The following SGCD variants were observed in gnomAD, a reference collection of about 807,000 sequenced individuals.
SGCD encodes delta-sarcoglycan.
Under a neutral mutation model 36.6 loss-of-function variants are expected in SGCD, and 18 were observed. The observed-to-expected ratio is 0.49, with a 90% CI of 0.34 to 0.73. SGCD has a LOEUF of 0.73. SGCD is among the 30% of genes least tolerant of loss of function. The pLI, the probability that SGCD is intolerant of heterozygous loss-of-function variation, is 0.01. For missense variants in SGCD, 387 were observed against 346.7 expected, an observed-to-expected ratio of 1.12 and a Z score of -0.92; for synonymous variants, 133 against 130.6, an observed-to-expected ratio of 1.02 and a Z score of -0.12.
intron 4 of SGCD, among the ~76,000 whole-genome samples, chr5:156,536,386 C>A (rs1180228801): frequency 6.6e-6 from 1 of 152,132 alleles, no homozygotes; most frequent in African/African-American, 2.4e-5. Flanking sequence ...CAGATTATGC[C>A]AGGGCAGCCC....
intron 1 of SGCD, among the ~76,000 whole-genome samples, chr5:155,929,219 G>C (rs987129688): frequency 6.6e-6 from 1 of 152,052 alleles, no homozygotes; most frequent in Non-Finnish European, 1.5e-5. Context: ...GACATGTTCT[G>C]TGAGTCTGGA....
chr5:156,040,668 A>T (rs1436821911), intron 1 of SGCD, among the ~76,000 whole-genome samples: 1 of 152,204 alleles, frequency 6.6e-6, no homozygotes, highest in Non-Finnish European at 1.5e-5. Flanking sequence ...GGTGTGGTGT[A>T]GTGTGCAGGA....
At chr5:155,752,171 A>C in the SGCD span, among the ~76,000 whole-genome samples, 3 of 152,132 alleles carry the variant, frequency 2.0e-5, no homozygotes, top group East Asian at 1.9e-4. Context: ...TCACTTAACT[A>C]TCTCTCCCCA....
chr5:156,690,711 A>G (rs1754075045), intron 7 of SGCD, among the ~76,000 whole-genome samples: 1 of 152,196 alleles, frequency 6.6e-6, no homozygotes, highest in Non-Finnish European at 1.5e-5. Flanking sequence ...TATACAATAA[A>G]CAGAGTTAGA....
chr5:156,001,770 A>G (rs1053629561), intron 1 of SGCD, among the ~76,000 whole-genome samples: 4 of 152,218 alleles, frequency 2.6e-5, no homozygotes, highest in Admixed American at 1.3e-4. Context: ...GACTGATTTG[A>G]GTTAAAATAG....
At chr5:156,603,577 T>G (rs1761289366) in intron 6 of SGCD, among the ~76,000 whole-genome samples, 1 of 152,108 alleles carries the variant, frequency 6.6e-6, no homozygotes, top group South Asian at 2.1e-4. Flanking sequence ...TTCTTATGAC[T>G]GCTTTTGCAA....
intron 7 of SGCD, chr5:156,704,358 T>C (rs1365547188): frequency 2.0e-5 from 3 of 152,180 alleles, no homozygotes; most frequent in Non-Finnish European, 4.4e-5. Context: ...ATCACATGCT[T>C]ATTCCTAAAT....
Position 156,743,805 on chromosome 5 carries a change from A to T in SGCD, c.576-13776A>T, listed in dbSNP as rs532013316. ...AGATCTCTACAAACTCAGCAGATTC[A>T]TTGGTAAAACTTAAATACCTGTTTC... On this transcript the variant is annotated intron_variant, in intron 7 of 8. Coordinates refer to ENST00000337851, the MANE Select transcript of SGCD (RefSeq NM_000337.6). Among the ~76,000 whole-genome samples, 9 of 152,378 alleles carry T rather than the reference A, an allele frequency of 5.9e-5. No individual in the cohort carries two copies. In the South Asian group the frequency reaches 6.2e-4, roughly 11 times the overall value.
chr5:156,592,991 T>C (rs375953425), intron 5 of SGCD, among the ~76,000 whole-genome samples: 1 of 152,136 alleles, frequency 6.6e-6, no homozygotes, highest in African/African-American at 2.4e-5. Context: ...ACAAGAGTGG[T>C]GATGTCCACA....
At chr5:156,046,178 A>C (rs1422865005) in intron 1 of SGCD, among the ~76,000 whole-genome samples, 1 of 152,082 alleles carries the variant, frequency 6.6e-6, no homozygotes, top group East Asian at 1.9e-4. Flanking sequence ...TCTCACTTTC[A>C]TGAGCTTCAT....
intron 1 of SGCD, among the ~76,000 whole-genome samples, chr5:155,969,693 G>A (rs988750131): frequency 6.6e-5 from 10 of 152,212 alleles, no homozygotes; most frequent in Non-Finnish European, 1.2e-4. Flanking sequence ...CTTTAGAACA[G>A]AGTTAATCAT....
At chr5:156,711,117 A>G (rs1754971812) in intron 7 of SGCD, among the ~76,000 whole-genome samples, 1 of 152,152 alleles carries the variant, frequency 6.6e-6, no homozygotes, top group Admixed American at 6.5e-5. Flanking sequence ...GGAGAAGCAT[A>G]TAATGAGGCA....
intron 1 of SGCD, among the ~76,000 whole-genome samples, chr5:155,996,929 A>G (rs112235699): frequency 0.076 from 11,074 of 146,418 alleles, 712 homozygotes; most frequent in African/African-American, 0.17. Flanking sequence ...AGGCAGGCAG[A>G]CAGACAGACA....
chr5:156,194,503 C>T (rs1384143012), intron 3 of SGCD, among the ~76,000 whole-genome samples: 1 of 152,026 alleles, frequency 6.6e-6, no homozygotes, highest in Non-Finnish European at 1.5e-5. Context: ...AAATGATATA[C>T]ATTAGGTGGA....
intron 3 of SGCD, among the ~76,000 whole-genome samples, chr5:156,143,386 A>G (rs893229126): frequency 2.6e-5 from 4 of 152,198 alleles, no homozygotes; most frequent in Admixed American, 2.6e-4. Context: ...GTGAGACTGG[A>G]TCCCCCATAG....
intron 3 of SGCD, among the ~76,000 whole-genome samples, chr5:156,153,796 C>T (rs1256749315): frequency 2.0e-5 from 3 of 151,516 alleles, no homozygotes; most frequent in Non-Finnish European, 4.4e-5. Flanking sequence ...CCAGGCCACA[C>T]CCAAAACCAG....
chr5:156,176,746 T>A (rs1436904453), intron 3 of SGCD, among the ~76,000 whole-genome samples: 6 of 152,134 alleles, frequency 3.9e-5, no homozygotes, highest in Non-Finnish European at 1.5e-5. Flanking sequence ...AGCTGAAAAA[T>A]TGTTGGTAAA....
In SGCD at chr5:155,972,611, T is replaced by C. The variant is rs572268862; in HGVS notation, c.-282+102187T>C. The stretch of plus-strand genomic sequence containing the variant: ...GTTAACTATTTCCATAGGGAAAAAC[T>C]TCTGAAGTGGTTTTGATCAATTAGA... On this transcript the variant is annotated intron_variant, in intron 1 of 9. Coordinates refer to the SGCD transcript ENST00000517913. 3.1e-4 allele frequency among the ~76,000 whole-genome samples: 47 copies of C among 152,264 alleles called. 1 individual carries two copies. Among genetic ancestry groups the C allele is most frequent in the Admixed American group, 2.1e-3 (32 of 15,274 alleles).
chr5:155,891,961 G>A (rs183620411), intron 1 of SGCD, among the ~76,000 whole-genome samples: 36 of 152,154 alleles, frequency 2.4e-4, no homozygotes, highest in African/African-American at 8.4e-4. Flanking sequence ...CAAAGGAAAT[G>A]GATTTCATTA....
Sources: allele counts gnomAD v4.1 joint callset (sites outside exome capture counted in the v4.1 genomes callset), GRCh38; gene constraint gnomAD v4.1.1; transcripts MANE v1.5; gene names NCBI Gene and HGNC (gene_info 2026-07-23, HGNC 2026-07-21).